C4orf50: variants seen among roughly 807,000 people sequenced by gnomAD.
The protein encoded by C4orf50 is uncharacterized protein C4orf50.
C4orf50 carries 80 observed loss-of-function variants against 77.2 expected under a neutral mutation model. That is an observed-to-expected ratio of 1.04 (90% confidence interval 0.87 to 1.25). The LOEUF (loss-of-function observed/expected upper bound fraction) is 1.25. Ranked by LOEUF, C4orf50 falls within the 50% of genes most tolerant of loss-of-function variation. C4orf50 has a pLI of 0.00. For synonymous variants in C4orf50, 532 were observed against 465.3 expected, an observed-to-expected ratio of 1.14 and a Z score of -1.84; for missense variants, 1,257 against 1,152.9, an observed-to-expected ratio of 1.09 and a Z score of -1.31.
chr4:5,976,079 CAG>C (rs1720263921), intron 29 of C4orf50, 124 bp from the exon 8 acceptor site: 1 of 731,616 alleles, frequency 1.4e-6, no homozygotes, highest in Admixed American at 2.1e-5. Context: ...CATGGGGACT[CAG>C]TGCCAGGAAC....
chr4:5,988,878 G>A (rs1560585694), exon 28 of C4orf50: 2 of 1,535,970 alleles, frequency 1.3e-6, no homozygotes, highest in South Asian at 1.2e-5. Flanking sequence ...TCAGTGTCTG[G>A]AGCTTCCAGT....
exon 28 of C4orf50, chr4:5,989,834 A>G: frequency 6.8e-7 from 1 of 1,467,736 alleles, no homozygotes; most frequent in South Asian, 1.4e-5. Context: ...CCCAGACCGG[A>G]TGCTTCTTGA....
At position 6,002,600 on chromosome 4, in the gene C4orf50, G is replaced by A. The variant is rs953190237; in HGVS notation, c.963+5396C>T. ...TCACTCTGTCCCTAGGCCTGTGGCT[G>A]GCTGGGGCCCCTCCTGCCCACTCAG... On this transcript the variant is annotated intron_variant, in intron 25 of 33. Transcript: ENST00000531445. Among the ~76,000 whole-genome samples, 6 of 152,296 alleles carry A rather than the reference G, an allele frequency of 3.9e-5. No individual in the cohort carries two copies. The East Asian group carries it at 1.2e-3, about 29-fold the overall frequency.
chr4:5,935,406 C>T (rs942439309), intron 7 of C4orf50, among the ~76,000 whole-genome samples: 1 of 152,190 alleles, frequency 6.6e-6, no homozygotes, highest in Admixed American at 6.5e-5. Context: ...GTAACCATAG[C>T]CCTATATCTC....
chr4:5,917,779 C>T (rs1408776317), intron 7 of C4orf50, among the ~76,000 whole-genome samples: 1 of 152,086 alleles, frequency 6.6e-6, no homozygotes, highest in Non-Finnish European at 1.5e-5. Flanking sequence ...CCCCAGAAGG[C>T]ATTTAATTAT....
intron 7 of C4orf50, among the ~76,000 whole-genome samples, chr4:5,941,204 G>A (rs193203374): frequency 6.6e-6 from 1 of 152,216 alleles, no homozygotes; most frequent in Non-Finnish European, 1.5e-5. Flanking sequence ...CTTTGTGCCA[G>A]AGTCTATGCT....
intron 23 of C4orf50, among the ~76,000 whole-genome samples, chr4:6,014,232 C>A (rs1237951241): frequency 6.6e-6 from 1 of 152,088 alleles, no homozygotes; most frequent in East Asian, 1.9e-4. Flanking sequence ...GAACTCCCGA[C>A]CTCAGGTGAT....
exon 33 of C4orf50, chr4:5,965,131 A>T: frequency 6.2e-7 from 1 of 1,613,134 alleles, no homozygotes; most frequent in Non-Finnish European, 8.5e-7. Flanking sequence ...TCAGGATTCA[A>T]GAGGTATGTC....
intron 7 of C4orf50, among the ~76,000 whole-genome samples, chr4:5,910,771 G>A (rs183360216): frequency 6.6e-6 from 1 of 152,216 alleles, no homozygotes; most frequent in African/African-American, 2.4e-5. Flanking sequence ...TAAAGTCCCT[G>A]CCCTCAGGTG....
At chr4:5,917,406 C>CT (rs34928524) in intron 7 of C4orf50, among the ~76,000 whole-genome samples, 3,693 of 86,370 alleles carry the variant, frequency 0.043, 356 homozygotes, top group African/African-American at 0.05. Context: ...TCCTGTATTT[C>CT]TTTTTTTTTT....
chr4:5,941,598 T>G (rs150594737), intron 7 of C4orf50, among the ~76,000 whole-genome samples: 538 of 152,314 alleles, frequency 3.5e-3, no homozygotes, highest in Non-Finnish European at 6.3e-3. Flanking sequence ...GCCCAATACT[T>G]TTCTAGAAAT....
intron 7 of C4orf50, among the ~76,000 whole-genome samples, chr4:5,942,050 A>C (rs555802267): frequency 6.6e-6 from 1 of 152,286 alleles, no homozygotes; most frequent in African/African-American, 2.4e-5. Flanking sequence ...TCTACCAGAC[A>C]CTGGAGAAAG....
rs564168314 is a variant in C4orf50 at position 5,951,405 on chromosome 4, G to C, written c.*2474+5496C>G. ...GGAATGAGAAACTGAGGCTCAGAGAGGTTATGTCACTTTAGATCCCAAAGC... is the reference window on the plus strand; with the variant it reads ...GGAATGAGAAACTGAGGCTCAGAGACGTTATGTCACTTTAGATCCCAAAGC... On this transcript the variant is annotated intron_variant, in intron 7 of 7. Coordinates refer to the C4orf50 transcript ENST00000324058. Among the ~76,000 whole-genome samples, 9 of 152,210 alleles carry C rather than the reference G, an allele frequency of 5.9e-5. No individual in the cohort carries two copies. In the South Asian group the frequency reaches 1.9e-3, roughly 32 times the overall value.
At chr4:5,912,838 T>C (rs190913969) in intron 7 of C4orf50, among the ~76,000 whole-genome samples, 12 of 152,344 alleles carry the variant, frequency 7.9e-5, no homozygotes, top group African/African-American at 2.9e-4. Context: ...CTCTGGGTTA[T>C]ATTTTTGCAT....
chr4:5,962,038 G>C (rs763511107), intron 33 of C4orf50, among the ~76,000 whole-genome samples: 5 of 152,200 alleles, frequency 3.3e-5, no homozygotes, highest in Non-Finnish European at 7.3e-5. Flanking sequence ...AAGGAGCTCT[G>C]TTCCCAAATG....
In C4orf50 at chr4:6,008,715, ACG is replaced by A. The variant is rs1284789840; in HGVS notation, c.427-185_427-184del. On this transcript the variant is annotated intron_variant, in intron 24 of 33. Transcript: ENST00000531445. The surrounding 1 kb of genome is among the most constrained non-coding windows in gnomAD (Gnocchi z 6.0). ...GTTTTGGCATCCTCTTAAATTTTGC[ACG>A]GAGGCAAGTGTCTCCCTCACTTCAT... is the stretch of plus-strand genomic sequence containing the variant. Among the ~76,000 whole-genome samples, 1 of 152,192 alleles carries A rather than the reference ACG, an allele frequency of 6.6e-6. No individual in the cohort carries two copies. The highest frequency in any genetic ancestry group is 2.4e-5 in the African/African-American group (1 of 41,456).
At chr4:5,935,836 G>C (rs985821888) in intron 7 of C4orf50, among the ~76,000 whole-genome samples, 2 of 116,772 alleles carry the variant, frequency 1.7e-5, no homozygotes, top group Admixed American at 8.6e-5. Context: ...ATTACAAAAC[G>C]CCCAAGAAAA....
exon 29 of C4orf50, chr4:5,980,272 G>A (rs144232790): frequency 1.2e-5 from 19 of 1,612,996 alleles, no homozygotes; most frequent in South Asian, 3.3e-5. Context: ...GTCAGCACCC[G>A]GTGATGGAGC....
At chr4:5,914,289 CT>C (rs1263619113) in intron 7 of C4orf50, among the ~76,000 whole-genome samples, 1 of 144,024 alleles carries the variant, frequency 6.9e-6, no homozygotes, top group Non-Finnish European at 1.5e-5. Context: ...ACTGCAACCT[CT>C]GCCTCCCGGG....
Sources: allele counts gnomAD v4.1 joint callset (sites outside exome capture counted in the v4.1 genomes callset), GRCh38; gene constraint gnomAD v4.1.1; non-coding constraint Gnocchi (gnomAD v3.1); transcripts MANE v1.5; gene names NCBI Gene and HGNC (gene_info 2026-07-23, HGNC 2026-07-21).